The following GABRB1 variants were observed in gnomAD, a reference collection of about 807,000 sequenced individuals.
GABRB1 encodes gamma-aminobutyric acid type A receptor subunit beta1.
A neutral mutation model predicts 51.6 loss-of-function variants in GABRB1; 17 were observed. That is an observed-to-expected ratio of 0.33 (90% CI 0.23 to 0.49). GABRB1 has a LOEUF of 0.49. Ranked by LOEUF, GABRB1 falls within the 20% of genes least tolerant of loss-of-function variation. The pLI is 0.99. For synonymous variants in GABRB1, 247 were observed against 218.9 expected, an observed-to-expected ratio of 1.13 and a Z score of -1.14; for missense variants, 410 against 600.6, an observed-to-expected ratio of 0.68 and a Z score of 3.32.
At chr4:47,244,755 G>A (rs4515136) in intron 4 of GABRB1, among the ~76,000 whole-genome samples, 51,304 of 151,940 alleles carry the variant, frequency 0.34, 8,982 homozygotes, top group African/African-American at 0.36. Flanking sequence ...CTGGGTAAAT[G>A]ACGAAATGAA....
intron 5 of GABRB1, among the ~76,000 whole-genome samples, chr4:47,342,603 A>C (rs747679714): frequency 1.3e-5 from 2 of 152,202 alleles, no homozygotes; most frequent in Non-Finnish European, 2.9e-5. Flanking sequence ...ATTTTCCATA[A>C]AATAAAAACC....
intron 5 of GABRB1, among the ~76,000 whole-genome samples, chr4:47,353,687 C>T (rs1345286994): frequency 1.3e-5 from 2 of 152,192 alleles, no homozygotes; most frequent in Non-Finnish European, 2.9e-5. Flanking sequence ...CAGGCATACA[C>T]ATACATGGTT....
chr4:47,064,999 C>T (rs960637177), intron 3 of GABRB1, among the ~76,000 whole-genome samples: 3 of 152,172 alleles, frequency 2.0e-5, no homozygotes, highest in Non-Finnish European at 4.4e-5. Flanking sequence ...CCTGCTTCCT[C>T]AGAGAAAGGA....
intron 5 of GABRB1, among the ~76,000 whole-genome samples, chr4:47,368,851 T>G (rs939207138): frequency 6.6e-6 from 1 of 152,090 alleles, no homozygotes; most frequent in African/African-American, 2.4e-5. Flanking sequence ...CTCATGCCTG[T>G]AATCGCAACA....
In GABRB1 at chr4:47,239,868, C is replaced by T. The variant is rs552581075; in HGVS notation, c.461+78399C>T. Among the ~76,000 whole-genome samples the T allele has an allele frequency of 6.6e-5, 10 of 152,280 alleles. No homozygotes were observed. In the Middle Eastern group the frequency reaches 0.014, roughly 207 times the overall value. Reference sequence around the variant, plus strand: ...TGGCATGGCTGACAATCACCCTATCCGGCCTTTCTCACTGCTGCCACGGGG... The same window carrying T: ...TGGCATGGCTGACAATCACCCTATCTGGCCTTTCTCACTGCTGCCACGGGG... On this transcript the variant is annotated intron_variant, in intron 4 of 8. Transcript: ENST00000295454.
chr4:47,307,884 C>T (rs1012366446), intron 4 of GABRB1, among the ~76,000 whole-genome samples: 2 of 151,826 alleles, frequency 1.3e-5, no homozygotes, highest in East Asian at 3.9e-4. Flanking sequence ...ACAAAAGTAC[C>T]ATTTTTCATC....
At chr4:47,314,686 C>T (rs1467353172) in intron 4 of GABRB1, among the ~76,000 whole-genome samples, 1 of 151,902 alleles carries the variant, frequency 6.6e-6, no homozygotes. Context: ...CAAAAACAAG[C>T]AATGGGGAAA....
At position 47,426,077 on chromosome 4, in the gene GABRB1, C is replaced by T; in HGVS notation, c.*59C>T. The T allele has an allele frequency of 7.3e-7, 1 of 1,370,738 alleles. No individual in the cohort carries two copies. 84.9% of individuals were successfully genotyped at this position (1,370,738 alleles called of 1,614,324 possible). On this transcript the variant is annotated 3_prime_UTR_variant, in exon 9 of 9. Coordinates refer to ENST00000295454, the MANE Select transcript of GABRB1 (RefSeq NM_000812.4). ...CCTCTTCTATTGTTTTTTAACCTTA[C>T]AGGTCCCCAACAGCGATACTGCTGT...
At chr4:47,191,105 T>A (rs1184608398) in intron 4 of GABRB1, among the ~76,000 whole-genome samples, 1 of 152,068 alleles carries the variant, frequency 6.6e-6, no homozygotes, top group Non-Finnish European at 1.5e-5. Context: ...CAGAAGACAA[T>A]AACTAAAGAA....
At chr4:47,367,702 C>G (rs1727028885) in intron 5 of GABRB1, among the ~76,000 whole-genome samples, 3 of 152,180 alleles carry the variant, frequency 2.0e-5, no homozygotes, top group Non-Finnish European at 2.9e-5. Flanking sequence ...TCACATTGCC[C>G]TGTATATTAG....
At chr4:47,300,161 G>A (rs567516022) in intron 4 of GABRB1, among the ~76,000 whole-genome samples, 5 of 151,552 alleles carry the variant, frequency 3.3e-5, no homozygotes, top group South Asian at 4.2e-4. Context: ...TAATGGGTGC[G>A]GCACACTAGC....
intron 8 of GABRB1, among the ~76,000 whole-genome samples, chr4:47,409,284 G>C (rs1200954847): frequency 6.6e-6 from 1 of 152,154 alleles, no homozygotes; most frequent in Non-Finnish European, 1.5e-5. Flanking sequence ...TTCTTGTCTG[G>C]AGTCCAGGAA....
chr4:47,250,781 T>G (rs1313074361), intron 4 of GABRB1, among the ~76,000 whole-genome samples: 2 of 152,220 alleles, frequency 1.3e-5, no homozygotes, highest in African/African-American at 4.8e-5. Flanking sequence ...TTTCTGTGTG[T>G]CCAATGTTTC....
intron 4 of GABRB1, among the ~76,000 whole-genome samples, chr4:47,195,437 TAGATAGATGATA>T (rs1394441770): frequency 2.5e-5 from 3 of 120,526 alleles, no homozygotes; most frequent in African/African-American, 3.4e-5. Context: ...GATAGATAGA[TAGATAGATGATA>T]GATAGATTAG....
At chr4:47,150,336 A>G (rs985463425) in intron 3 of GABRB1, among the ~76,000 whole-genome samples, 1 of 139,528 alleles carries the variant, frequency 7.2e-6, no homozygotes, top group Non-Finnish European at 1.5e-5. Context: ...ACACACACAC[A>G]CACACACGCA....
intron 1 of GABRB1, among the ~76,000 whole-genome samples, chr4:47,008,464 C>CT (rs747910509): frequency 0.011 from 1,575 of 143,882 alleles, 17 homozygotes; most frequent in African/African-American, 0.032. Flanking sequence ...AAATATTTTA[C>CT]TTTTTTTTTT....
At chr4:47,284,853 T>C (rs1295950571) in intron 4 of GABRB1, among the ~76,000 whole-genome samples, 1 of 152,128 alleles carries the variant, frequency 6.6e-6, no homozygotes, top group African/African-American at 2.4e-5. Context: ...TTAAATCCTA[T>C]AATGAAGAAA....
intron 8 of GABRB1, 62 bp from the exon 9 acceptor site, chr4:47,425,612 G>A (rs1729254841): frequency 6.2e-6 from 8 of 1,281,562 alleles, no homozygotes; most frequent in Non-Finnish European, 8.8e-6. Flanking sequence ...ATTAGTAACA[G>A]GTTAATGAAA....
intron 4 of GABRB1, among the ~76,000 whole-genome samples, chr4:47,210,252 A>G (rs955061196): frequency 2.0e-5 from 3 of 152,186 alleles, no homozygotes; most frequent in African/African-American, 7.2e-5. Context: ...CTCAATTCCA[A>G]TAGAAAATAT....
Sources: allele counts gnomAD v4.1 joint callset (sites outside exome capture counted in the v4.1 genomes callset), GRCh38; gene constraint gnomAD v4.1.1; transcripts MANE v1.5; gene names NCBI Gene and HGNC (gene_info 2026-07-23, HGNC 2026-07-21).